Variants in MLH3 observed in about 807,000 individuals in gnomAD.
The protein encoded by MLH3 is DNA mismatch repair protein Mlh3.
Under a neutral mutation model 122.2 loss-of-function variants are expected in MLH3, and 82 were observed. The observed-to-expected ratio is 0.67, with a 90% CI of 0.56 to 0.81. MLH3 has a LOEUF of 0.81. Among genes scored for constraint, MLH3 ranks in the 30% least tolerant of loss-of-function variants. MLH3 has a pLI of 0.00. For missense variants in MLH3, 1,539 were observed against 1,714.5 expected (o/e 0.90, Z 1.81); for synonymous variants, 524 against 599.5 (o/e 0.87, Z 1.84).
In MLH3 at chr14:75,046,677, T is replaced by C. The variant is rs1595083384; in HGVS notation, c.2979A>G (p.Gln993=). Residue 993 remains glutamine, a synonymous_variant, in exon 2 of 13, where the codon CAA becomes CAG. Transcript: ENST00000355774. ...DSDVLIRASE[Q]QIGSLDSPSG... Reference sequence around the variant, plus strand: ...TGGGAGAGTCAAGACTTCCTATCTGTTGTTCTGAGGCTCTGATAAGAACAT... The same window carrying C: ...TGGGAGAGTCAAGACTTCCTATCTGCTGTTCTGAGGCTCTGATAAGAACAT... 6.2e-7 allele frequency: 1 copy of C among 1,614,224 alleles called. No individual in the cohort carries two copies. The highest frequency in any genetic ancestry group is 8.5e-7 in the Non-Finnish European group (1 of 1,180,032).
Position 75,046,763 on chromosome 14 carries a change from TCA to T in MLH3, c.2891_2892del (p.Val964AspfsTer11). The stretch of plus-strand genomic sequence containing the variant: ...GGCAATACCAAAGGAGTTTCTGATA[TCA>T]CACAGTTCTCTGTTGTATTGCTGTT... The part of the protein sequence containing the change: ...HSNSNTTENC[V>X]ISETPLVLPY... On this transcript the variant is annotated frameshift_variant, in exon 2 of 13. Coordinates refer to ENST00000355774, the MANE Select transcript of MLH3 (RefSeq NM_001040108.2). LOFTEE classifies it high-confidence loss of function. 1.2e-6 allele frequency: 2 copies of T among 1,614,218 alleles called. No individual in the cohort carries two copies. The highest frequency in any genetic ancestry group is 1.7e-6 in the Non-Finnish European group (2 of 1,180,014).
chr14:75,034,954 T>C (rs1007336575), intron 6 of MLH3, among the ~76,000 whole-genome samples: 1 of 146,638 alleles, frequency 6.8e-6, no homozygotes, highest in Non-Finnish European at 1.5e-5. Flanking sequence ...TCCCAGCTAC[T>C]TGGGAGGCTG....
chr14:75,039,026 T>G (rs192275577), intron 5 of MLH3, among the ~76,000 whole-genome samples: 3 of 151,924 alleles, frequency 2.0e-5, no homozygotes, highest in Non-Finnish European at 2.9e-5. Context: ...CCCAGCTAAT[T>G]TTTTGTATTT....
At chr14:75,019,412 A>C (rs1289648150) in intron 11 of MLH3, among the ~76,000 whole-genome samples, 1 of 2,752 alleles carries the variant, frequency 3.6e-4, no homozygotes, top group Non-Finnish European at 5.7e-3. Context: ...TCCGTTCTCA[A>C]AAAAAAAAAA....
rs879779919 is a variant in MLH3 at position 75,048,634 on chromosome 14, TG to T, written c.1021del (p.Gln341ArgfsTer4). On this transcript the variant is annotated frameshift_variant, in exon 2 of 13. Coordinates refer to ENST00000355774, the MANE Select transcript of MLH3 (RefSeq NM_001040108.2). LOFTEE classifies it high-confidence loss of function. ...QNWDTLLFCIQEGVKMFLKQE... is the reference protein window; with the variant it reads ...QNWDTLLFCIXEGVKMFLKQE... ...CTTTAAAAACATTTTCACTCCTTCC[TG>T]AATGCAAAACAAGAGAGTGTCCCAG... The T allele has an allele frequency of 1.9e-6, 3 of 1,614,054 alleles. No homozygotes were observed. The highest frequency in any genetic ancestry group is 1.3e-5 in the African/African-American group (1 of 74,924).
At chr14:75,034,736 C>T (rs927657036) in intron 6 of MLH3, among the ~76,000 whole-genome samples, 20 of 152,102 alleles carry the variant, frequency 1.3e-4, no homozygotes, top group African/African-American at 4.1e-4. Flanking sequence ...GCTTCTCAAA[C>T]GTTCATATCA....
At chr14:75,017,786 AT>A (rs1359084066) in intron 12 of MLH3, among the ~76,000 whole-genome samples, 1 of 152,232 alleles carries the variant, frequency 6.6e-6, no homozygotes, top group Non-Finnish European at 1.5e-5. Context: ...GTCAGACAAC[AT>A]TAGTACCTGA....
chr14:75,042,285 T>G, intron 3 of MLH3, 94 bp downstream of exon 3: 1 of 1,016,340 alleles, frequency 9.8e-7, no homozygotes, highest in Admixed American at 1.7e-5. Flanking sequence ...ACAGCACAGC[T>G]GGCACTGATC....
chr14:75,036,689 T>G (rs1409007637), intron 6 of MLH3: 1 of 455,858 alleles, frequency 2.2e-6, no homozygotes, highest in Non-Finnish European at 4.4e-6. Context: ...AACTCATGAT[T>G]TTCATCCTCT....
At chr14:75,021,627 AT>A (rs1158993491) in intron 11 of MLH3, among the ~76,000 whole-genome samples, 3 of 152,260 alleles carry the variant, frequency 2.0e-5, no homozygotes, top group Non-Finnish European at 4.4e-5. Context: ...TCACAGTGAC[AT>A]ACCATCTCAC....
rs372912259 is a variant in MLH3, at chr14:75,032,111, G to A, written c.3784C>T (p.Pro1262Ser). 3.6e-4 allele frequency: 574 copies of A among 1,613,882 alleles called. 9 individuals carry two copies. The South Asian group carries it at 5.9e-3, about 17-fold the overall frequency. ...KKLLSSTLIP[P>S]LEITVTEEQR... ...TCCTCTGTCACTGTTATCTCTAGCG[G>A]AGGAATTAGAGTAGAAGACAGTAAT... The change falls in exon 8 of 13, where the codon CCG (proline) becomes TCG (serine). Residue 1262 changes from proline (P) to serine (S), a missense_variant. Coordinates refer to ENST00000355774, the MANE Select transcript of MLH3 (RefSeq NM_001040108.2).
At position 75,046,530 on chromosome 14, in the gene MLH3, T is replaced by C; in HGVS notation, c.3126A>G (p.Ser1042=). 1 of 1,614,220 alleles carries C rather than the reference T, an allele frequency of 6.2e-7. No individual in the cohort carries two copies. The highest frequency in any genetic ancestry group is 8.5e-7 in the Non-Finnish European group (1 of 1,180,038). ...SETEESNTCC[S]DWQRHFDVAL... is the part of the protein sequence containing the mutation. ...CTACATCGAAATGCCGCTGCCAATC[T>C]GAACAACACGTGTTTGACTCTTCAG... The change falls in exon 2 of 13, where the codon TCA becomes TCG. Residue 1042 remains serine (S), a synonymous_variant. Coordinates refer to ENST00000355774, the MANE Select transcript of MLH3 (RefSeq NM_001040108.2).
At chr14:75,033,855 A>G (rs1472047179) in intron 6 of MLH3, among the ~76,000 whole-genome samples, 2 of 152,184 alleles carry the variant, frequency 1.3e-5, no homozygotes, top group African/African-American at 4.8e-5. Flanking sequence ...TTAGGAAACA[A>G]AAGGTAAACT....
At chr14:75,027,072 C>T (rs913046955) in intron 9 of MLH3, among the ~76,000 whole-genome samples, 3 of 151,552 alleles carry the variant, frequency 2.0e-5, no homozygotes, top group African/African-American at 7.3e-5. Flanking sequence ...GCACTCCAGC[C>T]TGGGTAACAG....
In MLH3 at chr14:75,046,886, T is replaced by C; in HGVS notation, c.2770A>G (p.Asn924Asp). Residue 924 changes from asparagine (N) to aspartate (D), a missense_variant, in exon 2 of 13, where the codon AAC (asparagine) becomes GAC (aspartate). Coordinates refer to ENST00000355774, the MANE Select transcript of MLH3 (RefSeq NM_001040108.2). ...VLTQDFCMLF[N>D]NKHEKTENGV... ...TTCTCTGTTTTTTCATGCTTGTTGT[T>C]AAATAACATACAAAAATCTTGTGTT... 1 of 1,614,058 alleles carries C rather than the reference T, an allele frequency of 6.2e-7. No individual in the cohort carries two copies. The highest frequency in any genetic ancestry group is 8.5e-7 in the Non-Finnish European group (1 of 1,180,022).
rs139265757 is a variant in MLH3, at chr14:75,032,149, G to A, written c.3746C>T (p.Ser1249Phe). Residue 1249 changes from serine to phenylalanine, a missense_variant, in exon 8 of 13, where the codon TCT (serine) becomes TTT (phenylalanine). Ser to Phe is a radical substitution (Grantham distance 155). Coordinates refer to ENST00000355774, the MANE Select transcript of MLH3 (RefSeq NM_001040108.2). ...AGAAGACAGTAATTTTTTCCGACCA[G>A]AGCCTTGTGCCTGTTGCTTCTCGTA... ...DSYEKQQAQG[S>F]GRKKLLSSTL... The A allele has an allele frequency of 2.2e-4, 351 of 1,613,594 alleles. No homozygotes were observed. The African/African-American group carries it at 4.0e-3, about 19-fold the overall frequency.
In MLH3 at chr14:75,015,771, G is replaced by A. The variant is rs1361911766; in HGVS notation, c.*1311C>T. 3 of 223,014 alleles carry A rather than the reference G, an allele frequency of 1.3e-5. No homozygotes were observed. Among genetic ancestry groups the A allele is most frequent in the Non-Finnish European group, 1.8e-5 (2 of 111,690 alleles). 13.8% of individuals were successfully genotyped at this position (223,014 alleles called of 1,614,324 possible). ...TCTCTGAACCTTCTCTGGGGCAGAC[G>A]CTAATGAATGCAATACTTTCATTGC... is the stretch of plus-strand genomic sequence containing the variant. On this transcript the variant is annotated 3_prime_UTR_variant, in exon 13 of 13. Transcript: ENST00000355774.
chr14:75,015,685 GTTC>G lies in MLH3; in HGVS notation c.*1394_*1396del, dbSNP rs1385518496. The G allele has an allele frequency of 4.7e-6, 1 of 212,902 alleles. No homozygotes were observed. Among genetic ancestry groups the G allele is most frequent in the Non-Finnish European group, 9.5e-6 (1 of 105,280 alleles). 13.2% of individuals were successfully genotyped at this position (212,902 alleles called of 1,614,324 possible). A position where few individuals can be genotyped will look rare whatever the true frequency, so the allele number is the denominator to read the frequency against. On this transcript the variant is annotated 3_prime_UTR_variant, in exon 13 of 13. Transcript: ENST00000355774. Reference sequence around the variant, plus strand: ...AGCCATTTTTTAGACAGTAGGGCCTGTTCTTCAGGATTCCAATTACGTAAATCT... The same window carrying G: ...AGCCATTTTTTAGACAGTAGGGCCTGTTCAGGATTCCAATTACGTAAATCT...
At chr14:75,028,205 A>T (rs1890786459) in intron 9 of MLH3, among the ~76,000 whole-genome samples, 1 of 152,140 alleles carries the variant, frequency 6.6e-6, no homozygotes, top group Non-Finnish European at 1.5e-5. Flanking sequence ...CCAAACCTTT[A>T]CCAAAACATA....
Sources: allele counts gnomAD v4.1 joint callset (sites outside exome capture counted in the v4.1 genomes callset), GRCh38; gene constraint gnomAD v4.1.1; transcripts MANE v1.5; gene names NCBI Gene and HGNC (gene_info 2026-07-23, HGNC 2026-07-21).